Variants in VAMP1 observed in about 807,000 individuals in gnomAD.
VAMP1 encodes the protein vesicle associated membrane protein 1.
In VAMP1, 16 loss-of-function variants were observed where a neutral mutation model predicts 19.1. That is an observed-to-expected ratio of 0.84 (90% confidence interval 0.57 to 1.27). The LOEUF (loss-of-function observed/expected upper bound fraction) is 1.27, where lower values mean the gene tolerates loss of function less well. VAMP1 is among the 50% of genes most tolerant of loss of function. The pLI is 0.00. For missense variants in VAMP1, 109 were observed against 145.4 expected (o/e 0.75, Z 1.29); for synonymous variants, 37 against 50.2 (o/e 0.74, Z 1.11).
chr12:6,464,404 A>C lies in VAMP1; in HGVS notation c.*66T>G. On this transcript the variant is annotated 3_prime_UTR_variant, in exon 5 of 5. Transcript: ENST00000396308. ...GGTGGGTGGGGAAGTGTGTTGAGAGAGCAAACAGAGGGCAGAGGACATGAA... is the reference window on the plus strand; with the variant it reads ...GGTGGGTGGGGAAGTGTGTTGAGAGCGCAAACAGAGGGCAGAGGACATGAA... The C allele has an allele frequency of 4.5e-6, 7 of 1,556,988 alleles. No homozygotes were observed. Among genetic ancestry groups the C allele is most frequent in the Non-Finnish European group, 6.1e-6 (7 of 1,150,098 alleles).
rs553463019 is a variant in VAMP1 at position 6,470,476 on chromosome 12, T to C, written c.2+54A>G. The C allele has an allele frequency of 3.7e-5, 60 of 1,613,142 alleles. 1 individual carries two copies. The highest frequency in any genetic ancestry group is 2.9e-4 in the East Asian group (13 of 44,848). On this transcript the variant is annotated intron_variant, in intron 1 of 4. Coordinates refer to ENST00000396308, the MANE Select transcript of VAMP1 (RefSeq NM_014231.5). ...TTTTCCGTCCCGCAGAATCGGGAGC[T>C]TGGGGCGAGAGTTGTCAAGGAGGTG... is the stretch of plus-strand genomic sequence containing the variant.
Position 6,465,844 on chromosome 12 carries a change from T to G in VAMP1, c.286A>C (p.Lys96Gln). The G allele has an allele frequency of 6.2e-7, 1 of 1,614,044 alleles. No individual in the cohort carries two copies. The highest frequency in any genetic ancestry group is 8.5e-7 in the Non-Finnish European group (1 of 1,179,960). Residue 96 changes from lysine to glutamine, a missense_variant and splice_region_variant, in exon 3 of 5, where the codon AAG becomes CAG. Transcript: ENST00000396308. Reference sequence around the variant, plus strand: ...GAGGAGGGGACAAGAAAATTCACCTTGCAGTTTTTCCACCAATACTTCCTC... The same window carrying G: ...GAGGAGGGGACAAGAAAATTCACCTGGCAGTTTTTCCACCAATACTTCCTC... ...LKRKYWWKNC[K>Q]MMIMLGAICA... is the part of the protein sequence containing the mutation.
In VAMP1 at chr12:6,464,515, C is replaced by T. The variant is rs145237172; in HGVS notation, c.341-29G>A. On this transcript the variant is annotated intron_variant, in intron 4 of 4. Coordinates refer to ENST00000396308, the MANE Select transcript of VAMP1 (RefSeq NM_014231.5). The stretch of plus-strand genomic sequence containing the variant: ...GACACAGGAATCAGGAAGTCCCAGA[C>T]GGAAAAGAGAAAGAGACAGGAGAAA... 704 of 1,484,260 alleles carry T rather than the reference C, an allele frequency of 4.7e-4. 3 individuals carry two copies. The African/African-American group carries it at 7.4e-3, about 16-fold the overall frequency. 91.9% of individuals were successfully genotyped at this position (1,484,260 alleles called of 1,614,324 possible). A position where few individuals can be genotyped will look rare whatever the true frequency, so the allele number is the denominator to read the frequency against.
Position 6,470,652 on chromosome 12 carries a change from G to A in VAMP1, c.-121C>T. The A allele has an allele frequency of 7.5e-6, 10 of 1,326,472 alleles. No homozygotes were observed. Among genetic ancestry groups the A allele is most frequent in the Admixed American group, 1.9e-5 (1 of 52,760 alleles). The allele number at this position is 1,326,472 out of a possible 1,614,324, so 82.2% of individuals were successfully genotyped here. On this transcript the variant is annotated 5_prime_UTR_variant, in exon 1 of 5. Coordinates refer to ENST00000396308, the MANE Select transcript of VAMP1 (RefSeq NM_014231.5). ...AGCTCCGCCTCGCGCCGACTACCCCGCGGTCTAGCTGCGCTGGAACTTACT... is the reference window on the plus strand; with the variant it reads ...AGCTCCGCCTCGCGCCGACTACCCCACGGTCTAGCTGCGCTGGAACTTACT...
At chr12:6,466,533 A>C in intron 1 of VAMP1, 182 bp from the exon 2 acceptor site, 3 of 552,584 alleles carry the variant, frequency 5.4e-6, no homozygotes, top group East Asian at 3.4e-5. Context: ...AACAGACAAA[A>C]AGAAAGGACT....
Position 6,462,751 on chromosome 12 carries a change from T to G in VAMP1, c.*1719A>C. 1 of 1,438,410 alleles carries G rather than the reference T, an allele frequency of 7.0e-7. No homozygotes were observed. Among genetic ancestry groups the G allele is most frequent in the Non-Finnish European group, 9.4e-7 (1 of 1,061,690 alleles). 89.1% of individuals were successfully genotyped at this position (1,438,410 alleles called of 1,614,324 possible). A position where few individuals can be genotyped will look rare whatever the true frequency, so the allele number is the denominator to read the frequency against. On this transcript the variant is annotated 3_prime_UTR_variant, in exon 5 of 5. Coordinates refer to ENST00000396308, the MANE Select transcript of VAMP1 (RefSeq NM_014231.5). ...CTTCTCCAGCGGTGACCCCCTGCAT[T>G]AGGCAAGGAGGAGCCCAGAGGAGAG...
intron 2 of VAMP1, 65 bp from the exon 3 acceptor site, chr12:6,466,065 C>A: frequency 6.2e-7 from 1 of 1,612,096 alleles, no homozygotes; most frequent in Non-Finnish European, 8.5e-7. Flanking sequence ...GGACAACAAC[C>A]AGAGAATCAC....
In VAMP1 at chr12:6,462,431, G is replaced by A. The variant is rs369759775; in HGVS notation, c.*2039C>T. 32 of 491,136 alleles carry A rather than the reference G, an allele frequency of 6.5e-5. No homozygotes were observed. Among genetic ancestry groups the A allele is most frequent in the East Asian group, 5.9e-4 (18 of 30,664 alleles). 30.4% of individuals were successfully genotyped at this position (491,136 alleles called of 1,614,324 possible). On this transcript the variant is annotated 3_prime_UTR_variant, in exon 5 of 5. Transcript: ENST00000396308. ...CCACATCGTCTCATGGCAAACCGAA[G>A]AACGGGATGTGGGAAGCTCAGCTTC...
At position 6,464,380 on chromosome 12, in the gene VAMP1, G is replaced by A. The variant is rs756858290; in HGVS notation, c.*90C>T. ...GAAGCCTGGGCTGGAATGGAGGACGGTGGGTGGGGAAGTGTGTTGAGAGAG... is the reference window on the plus strand; with the variant it reads ...GAAGCCTGGGCTGGAATGGAGGACGATGGGTGGGGAAGTGTGTTGAGAGAG... On this transcript the variant is annotated 3_prime_UTR_variant, in exon 5 of 5. Transcript: ENST00000396308. The A allele has an allele frequency of 2.6e-6, 4 of 1,552,542 alleles. No individual in the cohort carries two copies. In the African/African-American group the frequency reaches 5.5e-5, roughly 21 times the overall value.
In VAMP1 at chr12:6,470,511, C is replaced by T; in HGVS notation, c.2+19G>A. ...AGTTGTCAAGGAGGTGCCGAGCCCC[C>T]ACACCAGAGTCAACTCACATTTTTC... On this transcript the variant is annotated intron_variant, in intron 1 of 4. Transcript: ENST00000396308. 3 of 1,613,980 alleles carry T rather than the reference C, an allele frequency of 1.9e-6. No individual in the cohort carries two copies. Among genetic ancestry groups the T allele is most frequent in the Non-Finnish European group, 2.5e-6 (3 of 1,179,894 alleles).
chr12:6,470,475 C>G (rs1945745380), intron 1 of VAMP1, 55 bp downstream of exon 1: 1 of 1,612,940 alleles, frequency 6.2e-7, no homozygotes, highest in Admixed American at 1.7e-5. Context: ...GAATCGGGAG[C>G]TTGGGGCGAG....
intron 2 of VAMP1, 47 bp downstream of exon 2, chr12:6,466,178 C>G (rs745584454): frequency 1.2e-6 from 2 of 1,613,578 alleles, no homozygotes; most frequent in African/African-American, 2.7e-5. Flanking sequence ...CTTTTGTTTC[C>G]AAACTCCTAG....
rs776900454 is a variant in VAMP1 at position 6,463,103 on chromosome 12, G to T, written c.*1367C>A. The T allele has an allele frequency of 5.3e-6, 8 of 1,517,092 alleles. No homozygotes were observed. The highest frequency in any genetic ancestry group is 7.0e-6 in the Non-Finnish European group (8 of 1,136,154). 94.0% of individuals were successfully genotyped at this position (1,517,092 alleles called of 1,614,324 possible). A position where few individuals can be genotyped will look rare whatever the true frequency, so the allele number is the denominator to read the frequency against. ...CATCCTGAAGCTCAGCAATTGCCCC[G>T]AAGATAGGCTGAGCAGATCCCATCC... On this transcript the variant is annotated 3_prime_UTR_variant, in exon 5 of 5. Transcript: ENST00000396308. This position sits in a 1 kb window ranked among gnomAD's most constrained non-coding sequence, Gnocchi z 4.0.
rs1339348572 is a variant in VAMP1, at chr12:6,462,877, G to A, written c.*1593C>T. ...GACGAAGGGAATGTGGGAAACAAGGGCGAAAGGAAAGGAAGGATGGTTTTG... is the reference window on the plus strand; with the variant it reads ...GACGAAGGGAATGTGGGAAACAAGGACGAAAGGAAAGGAAGGATGGTTTTG... On this transcript the variant is annotated 3_prime_UTR_variant, in exon 5 of 5. Transcript: ENST00000396308. The A allele has an allele frequency of 3.1e-6, 5 of 1,600,372 alleles. No individual in the cohort carries two copies. Among genetic ancestry groups the A allele is most frequent in the African/African-American group, 2.7e-5 (2 of 74,714 alleles).
chr12:6,470,257 A>G (rs1462367633), intron 1 of VAMP1, among the ~76,000 whole-genome samples: 2 of 151,570 alleles, frequency 1.3e-5, no homozygotes, highest in Non-Finnish European at 2.9e-5. Context: ...TACCAAAACC[A>G]GAATGAGGCG....
chr12:6,462,671 A>T lies in VAMP1; in HGVS notation c.*1799T>A. 1.3e-6 allele frequency: 1 copy of T among 767,028 alleles called. No individual in the cohort carries two copies. The highest frequency in any genetic ancestry group is 2.1e-6 in the Non-Finnish European group (1 of 478,282). The allele number at this position is 767,028 out of a possible 1,614,324, so 47.5% of individuals were successfully genotyped here. ...ATGATTCCTGTGATAGGGCTGGGAG[A>T]GCCAAGAGGACGGATTCGCTCCAGG... On this transcript the variant is annotated 3_prime_UTR_variant, in exon 5 of 5. Coordinates refer to ENST00000396308, the MANE Select transcript of VAMP1 (RefSeq NM_014231.5).
In VAMP1 at chr12:6,464,405, GCAAA is replaced by G. The variant is rs757470732; in HGVS notation, c.*61_*64del. 30 of 1,557,020 alleles carry G rather than the reference GCAAA, an allele frequency of 1.9e-5. No homozygotes were observed. The highest frequency in any genetic ancestry group is 1.2e-4 in the South Asian group (10 of 84,336). On this transcript the variant is annotated 3_prime_UTR_variant, in exon 5 of 5. Transcript: ENST00000396308. Reference sequence around the variant, plus strand: ...GTGGGTGGGGAAGTGTGTTGAGAGAGCAAACAGAGGGCAGAGGACATGAATGTGG... The same window carrying G: ...GTGGGTGGGGAAGTGTGTTGAGAGAGCAGAGGGCAGAGGACATGAATGTGG...
At position 6,464,031 on chromosome 12, in the gene VAMP1, A is replaced by C; in HGVS notation, c.*439T>G. The C allele has an allele frequency of 7.7e-7, 1 of 1,294,882 alleles. No homozygotes were observed. The highest frequency in any genetic ancestry group is 1.2e-5 in the South Asian group (1 of 81,076). The allele number at this position is 1,294,882 out of a possible 1,614,324, so 80.2% of individuals were successfully genotyped here. A position where few individuals can be genotyped will look rare whatever the true frequency, so the allele number is the denominator to read the frequency against. On this transcript the variant is annotated 3_prime_UTR_variant, in exon 5 of 5. Coordinates refer to ENST00000396308, the MANE Select transcript of VAMP1 (RefSeq NM_014231.5). ...CCACATGACCAGGCAGTACTGAGTG[A>C]GCTGCCATCTTCCCAGCCCCTCCCT...
At position 6,464,155 on chromosome 12, in the gene VAMP1, ACTCCC is replaced by A; in HGVS notation, c.*310_*314del. ...GCTTCATGGGTACTTCGCCTCAGCC[ACTCCC>A]CTCCCTGCCCCTTCCCTTGGCCTCC... On this transcript the variant is annotated 3_prime_UTR_variant, in exon 5 of 5. Coordinates refer to ENST00000396308, the MANE Select transcript of VAMP1 (RefSeq NM_014231.5). 1 of 1,413,640 alleles carries A rather than the reference ACTCCC, an allele frequency of 7.1e-7. No homozygotes were observed. 87.6% of individuals were successfully genotyped at this position (1,413,640 alleles called of 1,614,324 possible).
Sources: allele counts gnomAD v4.1 joint callset (sites outside exome capture counted in the v4.1 genomes callset), GRCh38; gene constraint gnomAD v4.1.1; non-coding constraint Gnocchi (gnomAD v3.1); transcripts MANE v1.5; gene names NCBI Gene and HGNC (gene_info 2026-07-23, HGNC 2026-07-21).